The following CRPPA variants were observed in gnomAD, a reference collection of about 807,000 sequenced individuals.
CRPPA encodes D-ribitol-5-phosphate cytidylyltransferase.
CRPPA carries 43 observed loss-of-function variants against 52.0 expected under a neutral mutation model. That is an observed-to-expected ratio of 0.83 (90% confidence interval 0.65 to 1.07). CRPPA has a LOEUF of 1.07. Ranked by LOEUF, CRPPA falls within the 50% of genes least tolerant of loss-of-function variation. The pLI, the probability that CRPPA is intolerant of heterozygous loss-of-function variation, is 0.00. For synonymous variants in CRPPA, 250 were observed against 203.5 expected (o/e 1.23, Z -1.94); for missense variants, 629 against 551.7 (o/e 1.14, Z -1.40).
chr7:16,398,893 CAT>C (rs1198259887), intron 2 of CRPPA, among the ~76,000 whole-genome samples: 60 of 152,318 alleles, frequency 3.9e-4, no homozygotes, highest in African/African-American at 1.4e-3. Context: ...GTGATCAGCA[CAT>C]GTCCAACAAG....
At chr7:16,359,061 A>T (rs1018257010) in intron 3 of CRPPA, among the ~76,000 whole-genome samples, 5 of 152,256 alleles carry the variant, frequency 3.3e-5, no homozygotes, top group Admixed American at 6.5e-5. Context: ...TAATTTCTAC[A>T]AAAGTAGTTA....
intron 9 of CRPPA, among the ~76,000 whole-genome samples, chr7:16,107,399 T>A (rs1782178390): frequency 6.6e-6 from 1 of 151,992 alleles, no homozygotes; most frequent in African/African-American, 2.4e-5. Context: ...TACAAAGGAA[T>A]GACAATGTGA....
chr7:16,249,863 A>T (rs1438527927), intron 8 of CRPPA, among the ~76,000 whole-genome samples: 1 of 152,158 alleles, frequency 6.6e-6, no homozygotes, highest in Non-Finnish European at 1.5e-5. Flanking sequence ...AGGGAACAAA[A>T]CTGGATGGAG....
intron 2 of CRPPA, among the ~76,000 whole-genome samples, chr7:16,393,309 G>C (rs1333685891): frequency 6.6e-6 from 1 of 152,120 alleles, no homozygotes. Context: ...GTATACTTAA[G>C]AACAGCAGGG....
At chr7:16,395,250 C>A (rs575919659) in intron 2 of CRPPA, among the ~76,000 whole-genome samples, 1 of 152,280 alleles carries the variant, frequency 6.6e-6, no homozygotes, top group African/African-American at 2.4e-5. Context: ...GTATGGAAAT[C>A]ATTGATACAA....
At chr7:16,167,899 A>G (rs918157736) in intron 9 of CRPPA, among the ~76,000 whole-genome samples, 7 of 152,182 alleles carry the variant, frequency 4.6e-5, no homozygotes, top group African/African-American at 1.4e-4. Context: ...AGACTGTAAC[A>G]TGCTAGAAAA....
intron 5 of CRPPA, among the ~76,000 whole-genome samples, chr7:16,300,029 T>C (rs1784760601): frequency 6.6e-6 from 1 of 152,252 alleles, no homozygotes; most frequent in Non-Finnish European, 1.5e-5. Context: ...CACATCATCA[T>C]TCAGCCGACT....
intron 9 of CRPPA, among the ~76,000 whole-genome samples, chr7:16,136,078 T>C (rs1183161039): frequency 2.6e-5 from 4 of 152,202 alleles, no homozygotes; most frequent in Non-Finnish European, 4.4e-5. Flanking sequence ...TAACAGCTTT[T>C]CAATTTTCCC....
At chr7:16,419,061 T>C (rs1356370899) in intron 1 of CRPPA, among the ~76,000 whole-genome samples, 2 of 152,200 alleles carry the variant, frequency 1.3e-5, no homozygotes, top group Admixed American at 6.5e-5. Context: ...TGGAATATTA[T>C]AGGTAAGTGG....
At chr7:16,281,999 G>A (rs958207442) in intron 5 of CRPPA, among the ~76,000 whole-genome samples, 7 of 151,978 alleles carry the variant, frequency 4.6e-5, no homozygotes, top group Non-Finnish European at 5.9e-5. Context: ...ACTGTCATCC[G>A]AGGAAATCAT....
chr7:16,215,211 A>T (rs913987864), intron 9 of CRPPA, among the ~76,000 whole-genome samples: 1 of 152,232 alleles, frequency 6.6e-6, no homozygotes, highest in African/African-American at 2.4e-5. Flanking sequence ...TTCACTGGAC[A>T]TTCAGTACCA....
chr7:16,232,283 G>A (rs1215404058), intron 8 of CRPPA, among the ~76,000 whole-genome samples: 3 of 152,188 alleles, frequency 2.0e-5, no homozygotes, highest in South Asian at 2.1e-4. Flanking sequence ...CACTGTAACA[G>A]TATTAAGAGA....
chr7:16,412,277 A>G (rs1443597066), intron 1 of CRPPA, among the ~76,000 whole-genome samples: 1 of 152,218 alleles, frequency 6.6e-6, no homozygotes, highest in African/African-American at 2.4e-5. Flanking sequence ...GTTTTAAAGC[A>G]ACTTTGTTGG....
chr7:16,091,246 T>C lies in CRPPA; in HGVS notation c.*449A>G, dbSNP rs1485815372. On this transcript the variant is annotated 3_prime_UTR_variant, in exon 10 of 10. Coordinates refer to ENST00000407010, the MANE Select transcript of CRPPA (RefSeq NM_001101426.4). ...TTTAACACAAGACAAAAAGACAAAA[T>C]ATCACCTGGTGACAGGACAATTATA... The C allele has an allele frequency of 6.5e-6, 1 of 153,768 alleles. No individual in the cohort carries two copies. Among genetic ancestry groups the C allele is most frequent in the Non-Finnish European group, 1.4e-5 (1 of 69,220 alleles). 9.5% of individuals were successfully genotyped at this position (153,768 alleles called of 1,614,324 possible).
At chr7:16,266,179 G>A (rs1783948145) in intron 6 of CRPPA, 1 of 152,212 alleles carries the variant, frequency 6.6e-6, no homozygotes, top group Non-Finnish European at 1.5e-5. Context: ...CTGGATCCTG[G>A]ATAGTGTAGA....
At chr7:16,301,551 G>C (rs953648749) in intron 4 of CRPPA, 85 bp from the exon 5 acceptor site, 1 of 944,622 alleles carries the variant, frequency 1.1e-6, no homozygotes, top group Admixed American at 2.0e-5. Flanking sequence ...GGAAATTCTT[G>C]ATTTTTCAGA....
Position 16,286,097 on chromosome 7 carries a change from A to AAAAAATATAT in CRPPA, c.836-7872_836-7871insATATATTTTT. 3.3e-3 allele frequency among the ~76,000 whole-genome samples: 128 copies of AAAAAATATAT among 39,116 alleles called. 12 individuals are homozygous for AAAAAATATAT. The highest frequency in any genetic ancestry group is 0.018 in the East Asian group (30 of 1,624). The allele number at this position is 39,116 out of a possible 152,430, so 25.7% of individuals were successfully genotyped here. On this transcript the variant is annotated intron_variant, in intron 5 of 9. Coordinates refer to ENST00000407010, the MANE Select transcript of CRPPA (RefSeq NM_001101426.4). ...TATATATATAATATTTAAAAAAAAA[A>AAAAAATATAT]ATATATATATATATATATATGCCAA...
chr7:16,302,595 A>C (rs550111881), intron 4 of CRPPA, among the ~76,000 whole-genome samples: 1 of 152,330 alleles, frequency 6.6e-6, no homozygotes, highest in African/African-American at 2.4e-5. Context: ...CCACTTTGAG[A>C]AATTCCTACC....
chr7:16,274,669 T>C (rs1784165429), intron 6 of CRPPA, among the ~76,000 whole-genome samples: 1 of 152,198 alleles, frequency 6.6e-6, no homozygotes, highest in African/African-American at 2.4e-5. Context: ...AGTTTTATTA[T>C]ATGAAGGAAA....
Sources: allele counts gnomAD v4.1 joint callset (sites outside exome capture counted in the v4.1 genomes callset), GRCh38; gene constraint gnomAD v4.1.1; transcripts MANE v1.5; gene names NCBI Gene and HGNC (gene_info 2026-07-23, HGNC 2026-07-21).